The following CATSPERT variants were observed in gnomAD, a reference collection of about 807,000 sequenced individuals.
The protein encoded by CATSPERT is cation channel sperm-associated targeting subunit tau.
the CATSPERT span, among the ~76,000 whole-genome samples, chr2:201,541,254 C>A: frequency 6.6e-6 from 1 of 152,014 alleles, no homozygotes; most frequent in East Asian, 1.9e-4. Context: ...ACTTAGTTGA[C>A]AAAGCAGCAG....
chr2:201,563,287 T>A, the CATSPERT span, among the ~76,000 whole-genome samples: 1 of 138,924 alleles, frequency 7.2e-6, no homozygotes, highest in African/African-American at 2.8e-5. Flanking sequence ...GCCCCTCACC[T>A]CCCGGACGGG....
At chr2:201,515,236 T>G in the CATSPERT span, among the ~76,000 whole-genome samples, 9 of 78,846 alleles carry the variant, frequency 1.1e-4, 1 homozygote, top group African/African-American at 4.8e-4. Flanking sequence ...TTTTTTTTTT[T>G]TTTTTTTTTT....
At chr2:201,611,140 G>A in the CATSPERT span, among the ~76,000 whole-genome samples, 2 of 151,954 alleles carry the variant, frequency 1.3e-5, no homozygotes, top group Non-Finnish European at 2.9e-5. Context: ...AAAATAAAAG[G>A]CATCCAAATT....
At chr2:201,568,391 C>G in the CATSPERT span, among the ~76,000 whole-genome samples, 9 of 152,206 alleles carry the variant, frequency 5.9e-5, no homozygotes, top group Non-Finnish European at 1.2e-4. Context: ...TAAGTTAGGA[C>G]AGTGAAGGTG....
At chr2:201,545,646 A>G in the CATSPERT span, 59 of 835,982 alleles carry the variant, frequency 7.1e-5, 1 homozygote, top group African/African-American at 1.6e-4. Context: ...AAAAAAAAAA[A>G]AAAAAAAGAA....
the CATSPERT span, chr2:201,557,515 C>T: frequency 6.6e-6 from 1 of 152,286 alleles, no homozygotes; most frequent in East Asian, 1.9e-4. Context: ...ATTAATTGGG[C>T]TCCTTCTGGA....
At chr2:201,526,289 C>T in the CATSPERT span, among the ~76,000 whole-genome samples, 1 of 152,126 alleles carries the variant, frequency 6.6e-6, no homozygotes, top group African/African-American at 2.4e-5. Context: ...GAGGCTGAGG[C>T]AGGTGGATCA....
chr2:201,571,519 A>G, the CATSPERT span, among the ~76,000 whole-genome samples: 5 of 152,174 alleles, frequency 3.3e-5, no homozygotes, highest in Non-Finnish European at 7.3e-5. Flanking sequence ...TTTTGTAGCA[A>G]TTGGAGTGGT....
At chr2:201,515,159 T>C in the CATSPERT span, among the ~76,000 whole-genome samples, 1 of 149,478 alleles carries the variant, frequency 6.7e-6, no homozygotes, top group African/African-American at 2.5e-5. Flanking sequence ...GATAGTTTTT[T>C]CTTTGATTGC....
chr2:201,492,897 T>C, the CATSPERT span: 3 of 1,536,604 alleles, frequency 2.0e-6, no homozygotes, highest in Non-Finnish European at 2.6e-6. Context: ...ATTCAGATTT[T>C]AAATGTTTTA....
At chr2:201,543,366 C>T in the CATSPERT span, among the ~76,000 whole-genome samples, 2 of 152,236 alleles carry the variant, frequency 1.3e-5, no homozygotes, top group African/African-American at 2.4e-5. Context: ...TTTAGGATTG[C>T]TTTTTCTACT....
chr2:201,545,723 TAATAC>T, the CATSPERT span: 2 of 717,114 alleles, frequency 2.8e-6, no homozygotes, highest in Non-Finnish European at 4.1e-6. Flanking sequence ...TAACTACTTT[TAATAC>T]AATACACCTT....
the CATSPERT span, among the ~76,000 whole-genome samples, chr2:201,520,828 G>A: frequency 0.053 from 8,070 of 151,224 alleles, 265 homozygotes; most frequent in African/African-American, 0.076. Context: ...GGTGAAGGTC[G>A]TGGTGAGTCA....
At chr2:201,489,339 A>T in the CATSPERT span, among the ~76,000 whole-genome samples, 3 of 152,226 alleles carry the variant, frequency 2.0e-5, no homozygotes, top group Non-Finnish European at 4.4e-5. Flanking sequence ...GTCTTAAAAA[A>T]TTCAGAAAAT....
chr2:201,551,030 A>T, the CATSPERT span: 1 of 152,240 alleles, frequency 6.6e-6, no homozygotes, highest in Non-Finnish European at 1.5e-5. Context: ...TAATTGGTGG[A>T]GCCACATTAG....
At chr2:201,605,637 G>A in the CATSPERT span, among the ~76,000 whole-genome samples, 1 of 152,004 alleles carries the variant, frequency 6.6e-6, no homozygotes. Flanking sequence ...CGGAAAATCC[G>A]ACCAACTCCA....
chr2:201,583,188 C>T, the CATSPERT span, among the ~76,000 whole-genome samples: 1 of 152,216 alleles, frequency 6.6e-6, no homozygotes, highest in African/African-American at 2.4e-5. Flanking sequence ...ACTTCCCAAT[C>T]AGGTGACCTA....
At chr2:201,546,221 C>T in the CATSPERT span, among the ~76,000 whole-genome samples, 1 of 152,150 alleles carries the variant, frequency 6.6e-6, no homozygotes, top group East Asian at 1.9e-4. Context: ...CCAATTATCA[C>T]AGAGGTATAA....
At chr2:201,530,200 C>CA in the CATSPERT span, among the ~76,000 whole-genome samples, 1 of 151,958 alleles carries the variant, frequency 6.6e-6, no homozygotes, top group African/African-American at 2.4e-5. Flanking sequence ...TGGAGGTTCC[C>CA]AATAAAACTA....
Sources: allele counts gnomAD v4.1 joint callset (sites outside exome capture counted in the v4.1 genomes callset), GRCh38; gene constraint gnomAD v4.1.1; transcripts MANE v1.5; gene names NCBI Gene and HGNC (gene_info 2026-07-23, HGNC 2026-07-21).